Variants in KPNA6 observed in about 807,000 individuals in gnomAD.
KPNA6 encodes the protein karyopherin subunit alpha 6.
Under a neutral mutation model 72.0 loss-of-function variants are expected in KPNA6, and 9 were observed. The ratio of observed to expected loss-of-function variants is 0.13; its 90% CI spans 0.08 to 0.22. The LOEUF (loss-of-function observed/expected upper bound fraction) is 0.22, where lower values mean the gene tolerates loss of function less well. Ranked by LOEUF, KPNA6 falls within the 10% of genes least tolerant of loss-of-function variation. The pLI is 1.00. For synonymous variants in KPNA6, 219 were observed against 242.1 expected, an observed-to-expected ratio of 0.90 and a Z score of 0.89; for missense variants, 374 against 655.7, an observed-to-expected ratio of 0.57 and a Z score of 4.69.
chr1:32,175,943 AAAAAT>A lies in KPNA6; in HGVS notation c.*5054_*5058del, dbSNP rs1414303100. 1 of 151,846 alleles carries A rather than the reference AAAAAT, an allele frequency of 6.6e-6. No individual in the cohort carries two copies. The highest frequency in any genetic ancestry group is 1.5e-5 in the Non-Finnish European group (1 of 67,986). 9.4% of individuals were successfully genotyped at this position (151,846 alleles called of 1,614,324 possible). ...TAAAACCCCGTCCCTACAAAAATAA[AAAAAT>A]AAAAAAAATAAGCCAGGTGTGGTGG... On this transcript the variant is annotated 3_prime_UTR_variant, in exon 14 of 14. Transcript: ENST00000373625.
intron 1 of KPNA6, among the ~76,000 whole-genome samples, chr1:32,152,774 G>A (rs1642057441): frequency 6.6e-6 from 1 of 151,994 alleles, no homozygotes. Flanking sequence ...GAACCCAGGA[G>A]GCGGAGCTTG....
intron 10 of KPNA6, among the ~76,000 whole-genome samples, chr1:32,163,568 G>T (rs1391798768): frequency 2.6e-5 from 4 of 152,194 alleles, no homozygotes; most frequent in African/African-American, 9.7e-5. Flanking sequence ...AAACTAAGTG[G>T]AATAACTGGA....
intron 12 of KPNA6, among the ~76,000 whole-genome samples, chr1:32,169,077 T>C (rs1017270886): frequency 2.1e-4 from 32 of 152,034 alleles, no homozygotes; most frequent in African/African-American, 7.0e-4. Context: ...TAAGCGGTTA[T>C]CAAGGCTCAG....
rs187454498 is a variant in KPNA6, at chr1:32,168,442, G to C, written c.1244+1146G>C. On this transcript the variant is annotated intron_variant, in intron 12 of 13. Coordinates refer to ENST00000373625, the MANE Select transcript of KPNA6 (RefSeq NM_012316.5). Reference sequence around the variant, plus strand: ...TGATGTCAGATGATCCTCCCACCTTGGCCTCCCAGAGTGCTGGGATTATAG... The same window carrying C: ...TGATGTCAGATGATCCTCCCACCTTCGCCTCCCAGAGTGCTGGGATTATAG... Among the ~76,000 whole-genome samples, 316 of 152,238 alleles carry C rather than the reference G, an allele frequency of 2.1e-3. 1 individual carries two copies. The highest frequency in any genetic ancestry group is 3.7e-3 in the Non-Finnish European group (254 of 68,014).
chr1:32,116,485 C>A (rs1280016550), intron 1 of KPNA6, among the ~76,000 whole-genome samples: 1 of 151,958 alleles, frequency 6.6e-6, no homozygotes, highest in Non-Finnish European at 1.5e-5. Flanking sequence ...ATGGAGAAAC[C>A]CTGTCTCTAC....
rs1642527931 is a variant in KPNA6 at position 32,176,399 on chromosome 1, C to G, written c.*5505C>G. On this transcript the variant is annotated 3_prime_UTR_variant, in exon 14 of 14. Transcript: ENST00000373625. Reference sequence around the variant, plus strand: ...AGGGCCCCTGGGTAGACAGACACAGCTTGATTTCAGAGCAGACATAGGCGA... The same window carrying G: ...AGGGCCCCTGGGTAGACAGACACAGGTTGATTTCAGAGCAGACATAGGCGA... The G allele has an allele frequency of 6.6e-6, 1 of 152,312 alleles. No individual in the cohort carries two copies. The highest frequency in any genetic ancestry group is 2.4e-5 in the African/African-American group (1 of 41,444). 9.4% of individuals were successfully genotyped at this position (152,312 alleles called of 1,614,324 possible).
At chr1:32,159,653 T>G (rs1416722318) in intron 6 of KPNA6, 122 bp downstream of exon 6, 4 of 1,104,602 alleles carry the variant, frequency 3.6e-6, no homozygotes, top group Non-Finnish European at 5.1e-6. Context: ...GTGATAGGGG[T>G]GTCAAGTACA....
At chr1:32,131,843 C>T (rs1185339498) in intron 1 of KPNA6, among the ~76,000 whole-genome samples, 3 of 151,898 alleles carry the variant, frequency 2.0e-5, no homozygotes, top group Admixed American at 2.0e-4. Flanking sequence ...AATTTTCTGT[C>T]TCCCTATCAG....
intron 1 of KPNA6, among the ~76,000 whole-genome samples, chr1:32,124,032 CAAAAAAA>C (rs771086945): frequency 9.3e-4 from 40 of 43,134 alleles, no homozygotes; most frequent in African/African-American, 3.1e-3. Flanking sequence ...GACTCTGTCT[CAAAAAAA>C]AAAAAAAAAA....
At position 32,154,672 on chromosome 1, in the gene KPNA6, G is replaced by A; in HGVS notation, c.89G>A (p.Arg30Lys). 6.2e-7 allele frequency: 1 copy of A among 1,614,112 alleles called. No individual in the cohort carries two copies. Among genetic ancestry groups the A allele is most frequent in the Non-Finnish European group, 8.5e-7 (1 of 1,180,004 alleles). The part of the protein sequence containing the change: ...NALNPEEMRR[R>K]REEEGIQLRK... ...CTAAACCCTGAAGAAATGAGACGAAGAAGAGAGGAAGAGGGCATTCAGCTC... is the reference window on the plus strand; with the variant it reads ...CTAAACCCTGAAGAAATGAGACGAAAAAGAGAGGAAGAGGGCATTCAGCTC... Residue 30 changes from arginine (R) to lysine (K), a missense_variant, in exon 2 of 14, where the codon AGA (arginine) becomes AAA (lysine). Arg to Lys is a conservative substitution (Grantham distance 26). This residue lies in a region of KPNA6 where 298 missense variants were observed against 495.4 expected (regional missense o/e 0.60). Coordinates refer to ENST00000373625, the MANE Select transcript of KPNA6 (RefSeq NM_012316.5).
At chr1:32,118,661 A>T (rs1641368345) in intron 1 of KPNA6, among the ~76,000 whole-genome samples, 1 of 151,770 alleles carries the variant, frequency 6.6e-6, no homozygotes, top group South Asian at 2.1e-4. Context: ...GCGTGGTGGG[A>T]TGTGCCTGTA....
chr1:32,116,700 A>G (rs1217142672), intron 1 of KPNA6, among the ~76,000 whole-genome samples: 1 of 152,198 alleles, frequency 6.6e-6, no homozygotes, highest in African/African-American at 2.4e-5. Flanking sequence ...AACTGGCGCA[A>G]GAGGCTTAGC....
At chr1:32,162,078 C>T in intron 8 of KPNA6, 32 bp downstream of exon 8, 3 of 1,521,124 alleles carry the variant, frequency 2.0e-6, no homozygotes, top group Non-Finnish European at 2.7e-6. Flanking sequence ...CCCTGAGTGA[C>T]ATCAGGTTCC....
chr1:32,173,368 G>A lies in KPNA6; in HGVS notation c.*2474G>A, dbSNP rs1385476913. On this transcript the variant is annotated 3_prime_UTR_variant, in exon 14 of 14. Coordinates refer to ENST00000373625, the MANE Select transcript of KPNA6 (RefSeq NM_012316.5). ...TCCTCCAAAATCTACTTTGGCTTCA[G>A]CTCCGGGTCCTGTACCAGATGGAAA... The A allele has an allele frequency of 2.8e-6, 1 of 355,190 alleles. No individual in the cohort carries two copies. The highest frequency in any genetic ancestry group is 5.0e-6 in the Non-Finnish European group (1 of 199,552). 22.0% of individuals were successfully genotyped at this position (355,190 alleles called of 1,614,324 possible).
In KPNA6 at chr1:32,171,661, A is replaced by C. The variant is rs182809314; in HGVS notation, c.*767A>C. The C allele has an allele frequency of 1.3e-4, 20 of 152,246 alleles. No homozygotes were observed. Among genetic ancestry groups the C allele is most frequent in the African/African-American group, 3.9e-4 (16 of 41,526 alleles). 9.4% of individuals were successfully genotyped at this position (152,246 alleles called of 1,614,324 possible). On this transcript the variant is annotated 3_prime_UTR_variant, in exon 14 of 14. Transcript: ENST00000373625. ...CTCCTCACTCTCCTGAAGTGTCTCA[A>C]GTATACCAGTGGGAGTGCAGGGGAG...
At chr1:32,156,490 G>A (rs1167105577) in intron 2 of KPNA6, among the ~76,000 whole-genome samples, 1 of 152,106 alleles carries the variant, frequency 6.6e-6, no homozygotes, top group Non-Finnish European at 1.5e-5. Context: ...GTTATTAAGT[G>A]ACTAACTGGC....
At chr1:32,166,439 A>G (rs535757718) in intron 11 of KPNA6, among the ~76,000 whole-genome samples, 44 of 151,896 alleles carry the variant, frequency 2.9e-4, no homozygotes, top group Non-Finnish European at 6.0e-4. Flanking sequence ...ATCCTGGCCA[A>G]CATGGTGAAA....
rs762187538 is a variant in KPNA6 at position 32,169,942 on chromosome 1, G to A, written c.1305G>A (p.Ser435=). Residue 435 remains serine (S), a synonymous_variant, in exon 13 of 14, where the codon TCG becomes TCA. Coordinates refer to ENST00000373625, the MANE Select transcript of KPNA6 (RefSeq NM_012316.5). The stretch of plus-strand genomic sequence containing the variant: ...GTGACTTGCTGACTGTAATGGATTC[G>A]AAGATTGTGCAAGTGGCCCTCAATG... ...PLCDLLTVMD[S]KIVQVALNGL... 9.3e-6 allele frequency: 15 copies of A among 1,613,860 alleles called. No individual in the cohort carries two copies. The highest frequency in any genetic ancestry group is 4.0e-5 in the African/African-American group (3 of 74,848).
chr1:32,111,762 C>T (rs981729462), intron 1 of KPNA6, among the ~76,000 whole-genome samples: 1 of 152,148 alleles, frequency 6.6e-6, no homozygotes, highest in African/African-American at 2.4e-5. Flanking sequence ...CTAGCTCAGT[C>T]GTATATCCTA....
Sources: allele counts gnomAD v4.1 joint callset (sites outside exome capture counted in the v4.1 genomes callset), GRCh38; gene constraint gnomAD v4.1.1; regional missense constraint gnomAD v4.1.1; transcripts MANE v1.5; gene names NCBI Gene and HGNC (gene_info 2026-07-23, HGNC 2026-07-21).